Variants in DEFB1 observed in about 807,000 individuals in gnomAD.
The protein encoded by DEFB1 is defensin beta 1.
In DEFB1, 4 loss-of-function variants were observed where a neutral mutation model predicts 2.6. The observed-to-expected ratio is 1.53, with a 90% CI of 0.76 to 3.51. The LOEUF is 3.51. Ranked by LOEUF, DEFB1 falls within the 30% of genes most tolerant of loss-of-function variation. The probability of loss-of-function intolerance (pLI) is 0.01; values close to 1 mark genes in which losing one functional copy is unlikely to be tolerated. For synonymous variants in DEFB1, 56 were observed against 28.5 expected (o/e 1.96, Z -3.07); for missense variants, 162 against 76.9 (o/e 2.11, Z -4.14).
At position 6,870,662 on chromosome 8, in the gene DEFB1, T is replaced by G. The variant is rs1375904752; in HGVS notation, c.*19A>C. ...AAGTTCATTTCACTTCTGCGTCATT[T>G]CTTCTGGTCACTCCCAGCTCACTTG... On this transcript the variant is annotated 3_prime_UTR_variant, in exon 2 of 2. Transcript: ENST00000297439. 6.2e-7 allele frequency: 1 copy of G among 1,600,080 alleles called. No homozygotes were observed. The highest frequency in any genetic ancestry group is 8.5e-7 in the Non-Finnish European group (1 of 1,176,260).
chr8:6,875,058 C>G (rs533180170), intron 1 of DEFB1, among the ~76,000 whole-genome samples: 111 of 127,792 alleles, frequency 8.7e-4, no homozygotes, highest in African/African-American at 3.1e-3. Context: ...TTACTTCATA[C>G]CGAAGCCACA....
At chr8:6,871,948 C>T (rs1806336583) in intron 1 of DEFB1, among the ~76,000 whole-genome samples, 2 of 152,190 alleles carry the variant, frequency 1.3e-5, no homozygotes, top group Admixed American at 6.5e-5. Flanking sequence ...CATCGCTACC[C>T]TAGGAGACAG....
intron 1 of DEFB1, among the ~76,000 whole-genome samples, chr8:6,874,320 G>C (rs1415126542): frequency 6.6e-6 from 1 of 151,688 alleles, no homozygotes; most frequent in African/African-American, 2.4e-5. Flanking sequence ...ACCTAAATGA[G>C]TGGAAATGCT....
rs5743427 is a variant in DEFB1 at position 6,877,056 on chromosome 8, A to T, written c.61+741T>A. Among the ~76,000 whole-genome samples the T allele has an allele frequency of 2.2e-3, 335 of 152,258 alleles. 3 individuals are homozygous for T. Among genetic ancestry groups the T allele is most frequent in the African/African-American group, 7.7e-3 (322 of 41,550 alleles). On this transcript the variant is annotated intron_variant, in intron 1 of 1. Transcript: ENST00000297439. ...CTGAACTGGAGTGCTTGCTTTCAGGATCATCCTTCCCAGCCCCTCATTCTG... is the reference window on the plus strand; with the variant it reads ...CTGAACTGGAGTGCTTGCTTTCAGGTTCATCCTTCCCAGCCCCTCATTCTG...
chr8:6,873,371 T>C (rs1806393141), intron 1 of DEFB1, among the ~76,000 whole-genome samples: 1 of 152,232 alleles, frequency 6.6e-6, no homozygotes, highest in Admixed American at 6.5e-5. Flanking sequence ...TAGTACATTA[T>C]GGGACACAAA....
chr8:6,871,208 A>G (rs1028221649), intron 1 of DEFB1, among the ~76,000 whole-genome samples: 1 of 152,210 alleles, frequency 6.6e-6, no homozygotes, highest in Non-Finnish European at 1.5e-5. Flanking sequence ...CACTCTTCAA[A>G]CACAGCCTAC....
chr8:6,874,552 T>C (rs558342281), intron 1 of DEFB1, among the ~76,000 whole-genome samples: 5 of 152,282 alleles, frequency 3.3e-5, no homozygotes, highest in Admixed American at 3.3e-4. Context: ...ATTAAGGCAA[T>C]GTGCTTATGG....
At chr8:6,875,488 C>G (rs1806489786) in intron 1 of DEFB1, among the ~76,000 whole-genome samples, 1 of 151,952 alleles carries the variant, frequency 6.6e-6, no homozygotes, top group South Asian at 2.1e-4. Context: ...AAAAAATAAC[C>G]CAGTTGCCTG....
At chr8:6,875,673 A>C (rs571949948) in intron 1 of DEFB1, among the ~76,000 whole-genome samples, 1 of 152,158 alleles carries the variant, frequency 6.6e-6, no homozygotes. Flanking sequence ...TGGGAGTGCA[A>C]GTTGGTGTAA....
intron 1 of DEFB1, among the ~76,000 whole-genome samples, chr8:6,871,065 G>A (rs1451642460): frequency 6.6e-6 from 1 of 152,238 alleles, no homozygotes. Context: ...GTGGGGTTCT[G>A]AGTGGGGTTT....
intron 1 of DEFB1, 40 bp downstream of exon 1, chr8:6,877,757 G>T (rs1459629792): frequency 5.8e-6 from 9 of 1,564,330 alleles, no homozygotes; most frequent in African/African-American, 5.4e-5. Flanking sequence ...ATTGTCCCCA[G>T]CCCTGGGGAT....
At chr8:6,876,903 G>C (rs1192579590) in intron 1 of DEFB1, among the ~76,000 whole-genome samples, 1 of 150,052 alleles carries the variant, frequency 6.7e-6, no homozygotes, top group Non-Finnish European at 1.5e-5. Flanking sequence ...GAAAAGTTCT[G>C]CATTTAGAAT....
intron 1 of DEFB1, among the ~76,000 whole-genome samples, chr8:6,873,873 A>G (rs1806417866): frequency 6.6e-6 from 1 of 152,210 alleles, no homozygotes; most frequent in South Asian, 2.1e-4. Flanking sequence ...TTGGTCTGGA[A>G]TATTGAGGTT....
chr8:6,873,771 T>G (rs962866289), intron 1 of DEFB1, among the ~76,000 whole-genome samples: 2 of 151,928 alleles, frequency 1.3e-5, no homozygotes, highest in Admixed American at 6.6e-5. Context: ...AGCATCTGAG[T>G]GGGTCTGGGT....
chr8:6,875,724 A>C (rs1297578039), intron 1 of DEFB1, among the ~76,000 whole-genome samples: 1 of 152,248 alleles, frequency 6.6e-6, no homozygotes, highest in Non-Finnish European at 1.5e-5. Flanking sequence ...AATACAATTG[A>C]ATATATGCAT....
rs5743459 is a variant in DEFB1 at position 6,874,881 on chromosome 8, C to G, written c.61+2916G>C. Among the ~76,000 whole-genome samples, 406 of 151,964 alleles carry G rather than the reference C, an allele frequency of 2.7e-3. 2 individuals are homozygous for G. Among genetic ancestry groups the G allele is most frequent in the African/African-American group, 9.3e-3 (384 of 41,430 alleles). On this transcript the variant is annotated intron_variant, in intron 1 of 1. Transcript: ENST00000297439. ...CCTGTAATCCCAGCCACTCGGGAGG[C>G]TGAGGCAGGAGAATCCCTTGAACCT...
rs189698504 is a variant in DEFB1, at chr8:6,875,923, G to A, written c.61+1874C>T. ...GTCAAGTGAGTGATTATTCTTGGGG[G>A]TAGGAGGGAGTTGTGACTGGGAAGG... On this transcript the variant is annotated intron_variant, in intron 1 of 1. Transcript: ENST00000297439. 1.9e-3 allele frequency among the ~76,000 whole-genome samples: 283 copies of A among 152,272 alleles called. 6 individuals are homozygous for A. The highest frequency in any genetic ancestry group is 0.017 in the Admixed American group (261 of 15,292).
intron 1 of DEFB1, among the ~76,000 whole-genome samples, chr8:6,873,449 T>G (rs1485338525): frequency 6.6e-6 from 1 of 152,206 alleles, no homozygotes; most frequent in Admixed American, 6.5e-5. Context: ...TAATCTACTG[T>G]GTGATCTTTT....
intron 1 of DEFB1, among the ~76,000 whole-genome samples, chr8:6,874,149 A>ACG (rs1425523202): frequency 6.8e-6 from 1 of 147,334 alleles, no homozygotes; most frequent in Non-Finnish European, 1.5e-5. Flanking sequence ...ACACACACGC[A>ACG]CACACACGCA....
Sources: allele counts gnomAD v4.1 joint callset (sites outside exome capture counted in the v4.1 genomes callset), GRCh38; gene constraint gnomAD v4.1.1; transcripts MANE v1.5; gene names NCBI Gene and HGNC (gene_info 2026-07-23, HGNC 2026-07-21).